The following CDC45 variants were observed in gnomAD, a reference collection of about 807,000 sequenced individuals.
The protein encoded by CDC45 is cell division cycle 45.
Under a neutral mutation model 77.8 loss-of-function variants are expected in CDC45, and 54 were observed. The ratio of observed to expected loss-of-function variants is 0.69; its 90% CI spans 0.56 to 0.87. CDC45 has a LOEUF of 0.87. CDC45 is among the 40% of genes least tolerant of loss of function. CDC45 has a pLI of 0.00. For synonymous variants in CDC45, 260 were observed against 272.1 expected (o/e 0.96, Z 0.44); for missense variants, 649 against 721.6 (o/e 0.90, Z 1.15).
intron 3 of CDC45, 66 bp downstream of exon 3, chr22:19,481,111 C>G (rs188139445): frequency 1.9e-5 from 19 of 1,000,928 alleles, no homozygotes; most frequent in African/African-American, 9.5e-5. Context: ...ACACAGCATT[C>G]TATTTCCACG....
intron 9 of CDC45, 139 bp downstream of exon 9, chr22:19,499,290 C>A: frequency 1.2e-6 from 1 of 827,838 alleles, no homozygotes; most frequent in South Asian, 1.5e-5. Context: ...CTCCTTGGGC[C>A]CAAGCATTTG....
At chr22:19,489,872 G>T (rs1024786023) in intron 5 of CDC45, among the ~76,000 whole-genome samples, 5 of 152,170 alleles carry the variant, frequency 3.3e-5, no homozygotes, top group Non-Finnish European at 7.3e-5. Context: ...TCTTCAGAAA[G>T]GGACATTGAA....
chr22:19,518,369 CT>C (rs1182959462), intron 17 of CDC45, among the ~76,000 whole-genome samples: 2 of 152,204 alleles, frequency 1.3e-5, no homozygotes, highest in African/African-American at 4.8e-5. Flanking sequence ...TGGTGAGGGT[CT>C]GGGTGCTCAG....
chr22:19,491,475 A>G (rs1035132188), intron 5 of CDC45, among the ~76,000 whole-genome samples: 2 of 151,572 alleles, frequency 1.3e-5, no homozygotes, highest in Non-Finnish European at 2.9e-5. Flanking sequence ...TACTGGATGT[A>G]GAATTCTGGG....
At chr22:19,516,956 C>T (rs534228980) in intron 17 of CDC45, 63 bp downstream of exon 17, 1 of 1,387,338 alleles carries the variant, frequency 7.2e-7, no homozygotes, top group African/African-American at 1.4e-5. Context: ...ATTGCAGGCC[C>T]TGGAACCAAG....
At chr22:19,491,234 A>G (rs1403372701) in intron 5 of CDC45, among the ~76,000 whole-genome samples, 3 of 152,204 alleles carry the variant, frequency 2.0e-5, no homozygotes, top group Non-Finnish European at 4.4e-5. Flanking sequence ...ATTAAGCATA[A>G]TTACAAACTC....
chr22:19,482,958 G>T, intron 4 of CDC45, 131 bp downstream of exon 4: 4 of 734,264 alleles, frequency 5.4e-6, no homozygotes, highest in Non-Finnish European at 9.0e-6. Context: ...ACAAGAACTT[G>T]GTCTTTGTCA....
At chr22:19,516,161 G>A (rs1933776181) in intron 15 of CDC45, among the ~76,000 whole-genome samples, 1 of 152,166 alleles carries the variant, frequency 6.6e-6, no homozygotes, top group Non-Finnish European at 1.5e-5. Context: ...GGAGAAGGTG[G>A]CAGCTGCTGC....
intron 10 of CDC45, 74 bp from the exon 11 acceptor site, chr22:19,507,312 G>C: frequency 6.4e-7 from 1 of 1,565,254 alleles, no homozygotes; most frequent in Non-Finnish European, 8.7e-7. Context: ...CATCAGAGTG[G>C]CCCACCTGCT....
chr22:19,515,126 G>A, intron 15 of CDC45, 78 bp downstream of exon 15: 1 of 1,309,876 alleles, frequency 7.6e-7, no homozygotes, highest in Admixed American at 2.6e-5. Context: ...TTAGATGCTG[G>A]CCTTGGGGTG....
At chr22:19,517,277 A>C (rs1933853487) in intron 17 of CDC45, among the ~76,000 whole-genome samples, 1 of 152,194 alleles carries the variant, frequency 6.6e-6, no homozygotes, top group Admixed American at 6.5e-5. Flanking sequence ...GTGATGACCC[A>C]GGACACCAAC....
chr22:19,489,540 G>A (rs1022702524), intron 5 of CDC45, among the ~76,000 whole-genome samples: 11 of 152,098 alleles, frequency 7.2e-5, no homozygotes, highest in Non-Finnish European at 1.5e-4. Context: ...ATAATTCTTG[G>A]AGATTCATCC....
Position 19,505,443 on chromosome 22 carries a change from A to T in CDC45, c.786A>T (p.Thr262=), listed in dbSNP as rs747492770. The T allele has an allele frequency of 6.2e-7, 1 of 1,613,654 alleles. No homozygotes were observed. The highest frequency in any genetic ancestry group is 1.7e-5 in the Admixed American group (1 of 59,980). The part of the protein sequence containing the change: ...HNHRNEDEEN[T]LSVDCTRISF... ...ACCGGAACGAGGATGAGGAGAACAC[A>T]CTCTCCGTGGACTGCACACGGATCT... is the stretch of plus-strand genomic sequence containing the variant. The change falls in exon 10 of 19, where the codon ACA becomes ACT. Residue 262 remains threonine, a synonymous_variant. Transcript: ENST00000263201.
In CDC45 at chr22:19,508,588, C is replaced by G; in HGVS notation, c.1114C>G (p.Leu372Val). 1 of 1,614,246 alleles carries G rather than the reference C, an allele frequency of 6.2e-7. No individual in the cohort carries two copies. Among genetic ancestry groups the G allele is most frequent in the South Asian group, 1.1e-5 (1 of 91,092 alleles). ...TCATTTTGGGTTCAAGCACAAGTTT[C>G]TGGCCAGCGACGTGGTCTTTGCCAC... ...SIHFGFKHKFLASDVVFATMS... is the reference protein window; with the variant it reads ...SIHFGFKHKFVASDVVFATMS... The change falls in exon 13 of 19, where the codon CTG becomes GTG. Residue 372 changes from leucine (L) to valine (V), a missense_variant. By Grantham distance (32) the Leu-to-Val change is conservative. Transcript: ENST00000263201.
At chr22:19,519,190 A>G (rs1271314990) in intron 18 of CDC45, among the ~76,000 whole-genome samples, 7 of 152,208 alleles carry the variant, frequency 4.6e-5, no homozygotes, top group Admixed American at 4.6e-4. Flanking sequence ...TGGGCTGGGC[A>G]TCGCGTGTGA....
chr22:19,489,671 T>C (rs1297801889), intron 5 of CDC45, among the ~76,000 whole-genome samples: 2 of 152,242 alleles, frequency 1.3e-5, no homozygotes, highest in Non-Finnish European at 2.9e-5. Flanking sequence ...ATATTTATTA[T>C]TTCTGCGTGC....
chr22:19,500,884 C>T (rs187262886), intron 9 of CDC45, among the ~76,000 whole-genome samples: 2 of 152,288 alleles, frequency 1.3e-5, no homozygotes, highest in East Asian at 3.9e-4. Context: ...GGTCCTATAA[C>T]ACATTTTGGA....
rs112493172 is a variant in CDC45, at chr22:19,482,387, A to G, written c.205-303A>G. On this transcript the variant is annotated intron_variant, in intron 3 of 18. Transcript: ENST00000263201. ...GTACTGTGAGGTCTGGAGAGACCCA[A>G]TCACGTGCTCGAAGTCTTGGTCTGC... Among the ~76,000 whole-genome samples, 6 of 152,386 alleles carry G rather than the reference A, an allele frequency of 3.9e-5. 1 individual carries two copies. Among genetic ancestry groups the G allele is most frequent in the Admixed American group, 1.3e-4 (2 of 15,308 alleles).
intron 15 of CDC45, 127 bp from the exon 16 acceptor site, chr22:19,516,400 G>A (rs912291785): frequency 5.6e-5 from 43 of 764,624 alleles, no homozygotes; most frequent in East Asian, 2.0e-4. Flanking sequence ...GGACCAAGGC[G>A]TCTCCTGGTG....
Sources: allele counts gnomAD v4.1 joint callset (sites outside exome capture counted in the v4.1 genomes callset), GRCh38; gene constraint gnomAD v4.1.1; transcripts MANE v1.5; gene names NCBI Gene and HGNC (gene_info 2026-07-23, HGNC 2026-07-21).